GALNT13: variants seen among roughly 807,000 people sequenced by gnomAD.
GALNT13 encodes polypeptide N-acetylgalactosaminyltransferase 13.
In GALNT13, 28 loss-of-function variants were observed where a neutral mutation model predicts 64.2. The observed-to-expected ratio is 0.44, with a 90% CI of 0.32 to 0.60. The LOEUF is 0.60. GALNT13 is among the 20% of genes least tolerant of loss of function. The probability of loss-of-function intolerance (pLI) is 0.05; values close to 1 mark genes in which losing one functional copy is unlikely to be tolerated. For missense variants in GALNT13, 577 were observed against 669.8 expected (o/e 0.86, Z 1.53); for synonymous variants, 214 against 224.6 (o/e 0.95, Z 0.42).
At chr2:153,682,946 A>T in the GALNT13 span, among the ~76,000 whole-genome samples, 9 of 151,800 alleles carry the variant, frequency 5.9e-5, no homozygotes, top group Non-Finnish European at 1.3e-4. Flanking sequence ...CATCTGGATT[A>T]TTATAGTGAT....
chr2:153,531,946 C>T, the GALNT13 span, among the ~76,000 whole-genome samples: 1 of 152,194 alleles, frequency 6.6e-6, no homozygotes, highest in Non-Finnish European at 1.5e-5. Context: ...AGCGTCTCTG[C>T]CCTGTGGCTT....
chr2:153,976,123 C>T (rs1187019832), intron 3 of GALNT13, among the ~76,000 whole-genome samples: 5 of 151,888 alleles, frequency 3.3e-5, no homozygotes, highest in African/African-American at 9.7e-5. Flanking sequence ...TTTTGTCTTA[C>T]GTATGTATGT....
chr2:154,248,861 T>G (rs992573377), intron 7 of GALNT13, among the ~76,000 whole-genome samples: 2 of 152,200 alleles, frequency 1.3e-5, no homozygotes, highest in African/African-American at 4.8e-5. Flanking sequence ...GAAATATTTC[T>G]CTGCACCTGT....
At chr2:153,619,346 A>G in the GALNT13 span, among the ~76,000 whole-genome samples, 28 of 152,106 alleles carry the variant, frequency 1.8e-4, no homozygotes, top group African/African-American at 6.5e-4. Flanking sequence ...CTGCTTTAAA[A>G]CTATTTATTG....
chr2:154,275,134 T>C (rs1184440170), intron 8 of GALNT13, among the ~76,000 whole-genome samples: 1 of 152,100 alleles, frequency 6.6e-6, no homozygotes, highest in Non-Finnish European at 1.5e-5. Context: ...AAGCAGAGCC[T>C]AAAAGTTTGG....
chr2:153,659,102 C>T, the GALNT13 span, among the ~76,000 whole-genome samples: 1 of 152,028 alleles, frequency 6.6e-6, no homozygotes, highest in South Asian at 2.1e-4. Flanking sequence ...TGTATTTCAA[C>T]AAGATTTTAT....
At chr2:153,478,865 CG>C in the GALNT13 span, 1 of 356,788 alleles carries the variant, frequency 2.8e-6, no homozygotes, top group Admixed American at 4.8e-5. Flanking sequence ...GTGGGAGGTG[CG>C]GGCCGCGGCG....
the GALNT13 span, among the ~76,000 whole-genome samples, chr2:153,725,380 G>A: frequency 1.9e-4 from 28 of 150,626 alleles, no homozygotes; most frequent in African/African-American, 6.3e-4. Context: ...TGGGTGCAGC[G>A]CACCAGCATG....
At chr2:153,933,261 T>A (rs368623957) in intron 2 of GALNT13, among the ~76,000 whole-genome samples, 2 of 152,208 alleles carry the variant, frequency 1.3e-5, no homozygotes, top group East Asian at 3.9e-4. Flanking sequence ...TCTAAGTCTC[T>A]TTGTAGGTTC....
chr2:154,360,263 T>C (rs548244837), intron 9 of GALNT13, among the ~76,000 whole-genome samples: 3 of 152,310 alleles, frequency 2.0e-5, no homozygotes, highest in Admixed American at 6.5e-5. Context: ...TTAACATTTA[T>C]ATCCTTGTTT....
intron 2 of GALNT13, among the ~76,000 whole-genome samples, chr2:153,943,611 C>T (rs1335942907): frequency 2.0e-5 from 3 of 152,106 alleles, no homozygotes; most frequent in Non-Finnish European, 4.4e-5. Flanking sequence ...TCTCCTGCCT[C>T]AGCCTCCTGA....
At chr2:153,268,167 G>C in the GALNT13 span, among the ~76,000 whole-genome samples, 125,391 of 151,808 alleles carry the variant, frequency 0.83, 52,977 homozygotes, top group African/African-American at 0.91. Context: ...GTTCCTTTTA[G>C]TTATAAGCCA....
the GALNT13 span, among the ~76,000 whole-genome samples, chr2:153,631,117 A>G: frequency 2.4e-3 from 372 of 152,006 alleles, 3 homozygotes; most frequent in African/African-American, 8.7e-3. Context: ...AGCTTCATCC[A>G]TGTCCCTACA....
chr2:154,014,312 A>C (rs1025862541), intron 3 of GALNT13, among the ~76,000 whole-genome samples: 21 of 152,206 alleles, frequency 1.4e-4, no homozygotes, highest in Non-Finnish European at 2.6e-4. Context: ...GGTCTCCTGC[A>C]ACTAGGATTA....
intron 7 of GALNT13, among the ~76,000 whole-genome samples, chr2:154,256,688 G>A (rs562831495): frequency 1.3e-5 from 2 of 152,238 alleles, no homozygotes; most frequent in East Asian, 1.9e-4. Flanking sequence ...TGTTGGTTAT[G>A]TATTGAGAAC....
chr2:154,096,262 G>A (rs1702068038), intron 3 of GALNT13, among the ~76,000 whole-genome samples: 1 of 151,826 alleles, frequency 6.6e-6, no homozygotes, highest in Non-Finnish European at 1.5e-5. Flanking sequence ...TTGGTATTAG[G>A]TACATATCCA....
At chr2:153,495,873 C>T in the GALNT13 span, among the ~76,000 whole-genome samples, 1 of 152,108 alleles carries the variant, frequency 6.6e-6, no homozygotes, top group African/African-American at 2.4e-5. Flanking sequence ...AATGACCTTC[C>T]ATTGAGGGAA....
the GALNT13 span, among the ~76,000 whole-genome samples, chr2:153,190,584 CA>C: frequency 6.6e-6 from 1 of 151,782 alleles, no homozygotes; most frequent in Non-Finnish European, 1.5e-5. Flanking sequence ...TGGTTTCATA[CA>C]AATTTTAGGA....
chr2:153,652,505 CTCTGG>C, the GALNT13 span, among the ~76,000 whole-genome samples: 1 of 152,036 alleles, frequency 6.6e-6, no homozygotes. Flanking sequence ...AGCCCAGCTA[CTCTGG>C]AGGCTGTGAC....
Sources: gnomAD v4.1 joint callset for allele counts (sites outside exome capture counted in the v4.1 genomes callset) on GRCh38, gnomAD v4.1.1 for gene constraint, MANE v1.5 for transcripts, NCBI Gene and HGNC (gene_info 2026-07-23, HGNC 2026-07-21) for gene names.